The following KRT78 variants were observed in gnomAD, a reference collection of about 807,000 sequenced individuals.
KRT78 encodes keratin, type II cytoskeletal 78.
In KRT78, 55 loss-of-function variants were observed where a neutral mutation model predicts 51.4. The ratio of observed to expected loss-of-function variants is 1.07; its 90% CI spans 0.86 to 1.34. The LOEUF is 1.34. KRT78 is among the 40% of genes most tolerant of loss of function. KRT78 has a pLI of 0.00. For synonymous variants in KRT78, 291 were observed against 264.3 expected (o/e 1.10, Z -0.98); for missense variants, 652 against 649.4 (o/e 1.00, Z -0.04).
Position 52,844,633 on chromosome 12 carries a change from T to C in KRT78, c.847A>G (p.Thr283Ala). 6.2e-7 allele frequency: 1 copy of C among 1,614,116 alleles called. No homozygotes were observed. The highest frequency in any genetic ancestry group is 1.1e-5 in the South Asian group (1 of 91,070). ...NRYLDFSSII[T>A]EVRARYEEIA... ...TCCTCGTACCGGGCGCGGACCTCAG[T>C]GATGATGCTGCTGAAGTCCAGGTAG... is the stretch of plus-strand genomic sequence containing the variant. The change falls in exon 5 of 9, where the codon ACT becomes GCT. Residue 283 changes from threonine (T) to alanine (A), a missense_variant. Transcript: ENST00000304620.
chr12:52,844,857 G>T (rs957693401), intron 4 of KRT78, 134 bp from the exon 5 acceptor site: 38 of 735,292 alleles, frequency 5.2e-5, no homozygotes, highest in South Asian at 1.4e-4. Flanking sequence ...CTTTGAGTAT[G>T]CCCTGCTCAC....
rs763160755 is a variant in KRT78, at chr12:52,839,069, G to C, written c.*44C>G. ...GCCTTGCAGAGCCGGCTGATGGGGG[G>C]AGTGGGCCAAATGTGTTCAGGAAGG... On this transcript the variant is annotated 3_prime_UTR_variant, in exon 9 of 9. Transcript: ENST00000304620. 32 of 1,585,646 alleles carry C rather than the reference G, an allele frequency of 2.0e-5. No individual in the cohort carries two copies. Among genetic ancestry groups the C allele is most frequent in the Admixed American group, 5.1e-5 (3 of 59,094 alleles).
chr12:52,842,959 G>GAGAGAGAAAGGAAGGAAGGAAGGA lies in KRT78; in HGVS notation c.1047+1133_1047+1134insTCCTTCCTTCCTTCCTTTCTCTCT, dbSNP rs1299063277. On this transcript the variant is annotated intron_variant, in intron 6 of 8. Coordinates refer to ENST00000304620, the MANE Select transcript of KRT78 (RefSeq NM_173352.4). ...AGAAAGAGAGAGAGAGAGAGAGAGA[G>GAGAGAGAAAGGAAGGAAGGAAGGA]AGGAAGGAAGGAAGGAAGGAAGGAA... Among the ~76,000 whole-genome samples, 55 of 53,754 alleles carry GAGAGAGAAAGGAAGGAAGGAAGGA rather than the reference G, an allele frequency of 1.0e-3. 3 individuals are homozygous for GAGAGAGAAAGGAAGGAAGGAAGGA. Among genetic ancestry groups the GAGAGAGAAAGGAAGGAAGGAAGGA allele is most frequent in the Admixed American group, 4.9e-3 (24 of 4,880 alleles). 35.3% of individuals were successfully genotyped at this position (53,754 alleles called of 152,430 possible).
intron 6 of KRT78, among the ~76,000 whole-genome samples, chr12:52,842,240 T>A (rs1174096452): frequency 6.6e-6 from 1 of 152,156 alleles, no homozygotes; most frequent in Non-Finnish European, 1.5e-5. Flanking sequence ...TGAATCAAGC[T>A]GTAGTGCTTG....
intron 6 of KRT78, among the ~76,000 whole-genome samples, chr12:52,842,432 C>G (rs1940520077): frequency 1.3e-5 from 2 of 152,278 alleles, no homozygotes; most frequent in South Asian, 2.1e-4. Context: ...CCTCCCCTTG[C>G]CAATCTCTTC....
intron 6 of KRT78, among the ~76,000 whole-genome samples, chr12:52,841,492 A>C (rs1940499232): frequency 6.6e-6 from 1 of 152,022 alleles, no homozygotes; most frequent in Admixed American, 6.6e-5. Flanking sequence ...TTCTCAAAAA[A>C]AAAAAAAAAG....
rs745576224 is a variant in KRT78 at position 52,848,846 on chromosome 12, C to A, written c.85G>T (p.Gly29Cys). The A allele has an allele frequency of 6.8e-6, 11 of 1,611,972 alleles. No individual in the cohort carries two copies. Among genetic ancestry groups the A allele is most frequent in the Non-Finnish European group, 9.3e-6 (11 of 1,179,706 alleles). Residue 29 changes from glycine (G) to cysteine (C), a missense_variant, in exon 1 of 9, where the codon GGC (glycine) becomes TGC (cysteine). Gly to Cys is a radical substitution (Grantham distance 159). Transcript: ENST00000304620. ...SARSRGRSRGGFSSRGGFSSR... is the reference protein window; with the variant it reads ...SARSRGRSRGCFSSRGGFSSR... ...CTGAAGCCGCCCCTGCTGCTGAAGC[C>A]TCCCCTGCTGCGGCCCCTTGAGCGA...
intron 6 of KRT78, among the ~76,000 whole-genome samples, chr12:52,843,033 G>A (rs1940548466): frequency 8.7e-6 from 1 of 114,690 alleles, no homozygotes; most frequent in South Asian, 3.5e-4. Context: ...AGGGAGGGAG[G>A]GAGGGAGGGA....
At position 52,839,116 on chromosome 12, in the gene KRT78, G is replaced by T. The variant is rs770387975; in HGVS notation, c.1560C>A (p.Tyr520Ter). 2 of 1,612,676 alleles carry T rather than the reference G, an allele frequency of 1.2e-6. No individual in the cohort carries two copies. The highest frequency in any genetic ancestry group is 2.7e-5 in the African/African-American group (2 of 75,022). The change falls in exon 9 of 9, where the codon TAC (tyrosine) becomes TAA (stop). Residue 520 changes from tyrosine (Y) to a stop codon, truncating the protein, a stop_gained. Coordinates refer to ENST00000304620, the MANE Select transcript of KRT78 (RefSeq NM_173352.4). LOFTEE classifies it high-confidence loss of function. ...VESSLKTSIT[Y>*] ...AAGGAGGTGGCTGCTGGGTCGCTCAGTAGGTGATGGATGTCTTCAGACTCG... is the reference window on the plus strand; with the variant it reads ...AAGGAGGTGGCTGCTGGGTCGCTCATTAGGTGATGGATGTCTTCAGACTCG...
intron 3 of KRT78, 42 bp from the exon 4 acceptor site, chr12:52,846,334 C>T (rs1940643018): frequency 1.6e-6 from 2 of 1,231,050 alleles, no homozygotes; most frequent in East Asian, 2.3e-5. Context: ...CCCTCTTCCT[C>T]TTTGGGGTCC....
intron 1 of KRT78, 37 bp downstream of exon 1, chr12:52,848,510 G>A: frequency 6.2e-7 from 1 of 1,606,342 alleles, no homozygotes. Flanking sequence ...CTCCAAGGGA[G>A]GCACAGAGAC....
Position 52,848,714 on chromosome 12 carries a change from G to A in KRT78, c.217C>T (p.Pro73Ser), listed in dbSNP as rs139572939. 685 of 1,612,276 alleles carry A rather than the reference G, an allele frequency of 4.2e-4. 17 individuals are homozygous for A. The East Asian group carries it at 0.011, about 25-fold the overall frequency. The change falls in exon 1 of 9, where the codon CCT (proline) becomes TCT (serine). Residue 73 changes from proline to serine, a missense_variant. By Grantham distance (74) the Pro-to-Ser change is moderately conservative. Coordinates refer to ENST00000304620, the MANE Select transcript of KRT78 (RefSeq NM_173352.4). ...GVRFGEWSGG[P>S]GLSLCPPGGI... ...CCCGGAGGGCACAGGGAGAGCCCAG[G>A]CCCACCACTCCACTCCCCAAACCGC...
chr12:52,840,886 T>C (rs951609955), intron 6 of KRT78, among the ~76,000 whole-genome samples: 3 of 152,194 alleles, frequency 2.0e-5, no homozygotes, highest in African/African-American at 7.2e-5. Context: ...GCTCCAGGAC[T>C]GGGAGAGATT....
chr12:52,847,779 G>A, intron 2 of KRT78, 128 bp downstream of exon 2: 1 of 734,948 alleles, frequency 1.4e-6, no homozygotes, highest in South Asian at 1.7e-5. Flanking sequence ...GGGACGCGGA[G>A]GGGTAGAGGG....
intron 6 of KRT78, among the ~76,000 whole-genome samples, chr12:52,841,690 G>A (rs1021442742): frequency 6.6e-6 from 1 of 152,144 alleles, no homozygotes; most frequent in Non-Finnish European, 1.5e-5. Flanking sequence ...AGAAACTGAG[G>A]CTCAGAAAGA....
intron 6 of KRT78, 55 bp from the exon 7 acceptor site, chr12:52,840,039 T>G: frequency 7.8e-7 from 1 of 1,276,948 alleles, no homozygotes; most frequent in African/African-American, 1.5e-5. Context: ...ACATAGCCTC[T>G]CAAAGCACCC....
chr12:52,848,690 C>T lies in KRT78; in HGVS notation c.241G>A (p.Gly81Arg), dbSNP rs746700868. The T allele has an allele frequency of 1.2e-6, 2 of 1,613,278 alleles. No individual in the cohort carries two copies. The highest frequency in any genetic ancestry group is 2.2e-5 in the South Asian group (2 of 90,988). The stretch of plus-strand genomic sequence containing the variant: ...TTGATGGTCACTTCTTGGATGCCCC[C>T]CGGAGGGCACAGGGAGAGCCCAGGC... ...GGPGLSLCPP[G>R]GIQEVTINQN... The change falls in exon 1 of 9, where the codon GGG (glycine) becomes AGG (arginine). Residue 81 changes from glycine (G) to arginine (R), a missense_variant. Physicochemically the swap from Gly to Arg is moderately radical, Grantham distance 125. Transcript: ENST00000304620.
At chr12:52,846,435 C>G in intron 3 of KRT78, 143 bp from the exon 4 acceptor site, 2 of 676,260 alleles carry the variant, frequency 3.0e-6, no homozygotes, top group Non-Finnish European at 5.4e-6. Context: ...CAGCCCCACT[C>G]TGTCCTGCTC....
At chr12:52,844,866 A>C in intron 4 of KRT78, 143 bp from the exon 5 acceptor site, 2 of 652,348 alleles carry the variant, frequency 3.1e-6, no homozygotes, top group Non-Finnish European at 5.0e-6. Flanking sequence ...TGCCCTGCTC[A>C]CCATGGGACT....
Sources: gnomAD v4.1 joint callset for allele counts (sites outside exome capture counted in the v4.1 genomes callset) on GRCh38, gnomAD v4.1.1 for gene constraint, MANE v1.5 for transcripts, NCBI Gene and HGNC (gene_info 2026-07-23, HGNC 2026-07-21) for gene names.